The following AUTS2 variants were observed in gnomAD, a reference collection of about 807,000 sequenced individuals.
AUTS2 encodes the protein autism susceptibility gene 2 protein.
In AUTS2, 17 loss-of-function variants were observed where a neutral mutation model predicts 112.4. That is an observed-to-expected ratio of 0.15 (90% confidence interval 0.10 to 0.23). The LOEUF (loss-of-function observed/expected upper bound fraction) is 0.23. Ranked by LOEUF, AUTS2 falls within the 10% of genes least tolerant of loss-of-function variation. AUTS2 has a pLI of 1.00. For missense variants in AUTS2, 1,510 were observed against 1,701.6 expected, an observed-to-expected ratio of 0.89 and a Z score of 1.98; for synonymous variants, 751 against 702.7, an observed-to-expected ratio of 1.07 and a Z score of -1.09.
At chr7:69,850,432 A>C (rs997149075) in intron 1 of AUTS2, among the ~76,000 whole-genome samples, 23 of 135,034 alleles carry the variant, frequency 1.7e-4, no homozygotes, top group African/African-American at 6.6e-4. Context: ...AAAAAAAAAA[A>C]AAAGTCAGAC....
chr7:70,387,151 T>C (rs927510570), intron 4 of AUTS2, among the ~76,000 whole-genome samples: 1 of 152,230 alleles, frequency 6.6e-6, no homozygotes, highest in Admixed American at 6.5e-5. Flanking sequence ...TTCTCTTCAC[T>C]GCCAAACCTT....
At chr7:69,997,030 A>G (rs1018508324) in intron 2 of AUTS2, among the ~76,000 whole-genome samples, 1 of 150,392 alleles carries the variant, frequency 6.6e-6, no homozygotes, top group Non-Finnish European at 1.5e-5. Flanking sequence ...CCTGGGCATC[A>G]TTTGTTTAAG....
At chr7:69,734,645 GT>G (rs34366291) in intron 1 of AUTS2, among the ~76,000 whole-genome samples, 5 of 148,678 alleles carry the variant, frequency 3.4e-5, no homozygotes, top group Admixed American at 6.7e-5. Context: ...TGCTTGTTGG[GT>G]TTTTTTTTTC....
intron 1 of AUTS2, among the ~76,000 whole-genome samples, chr7:69,868,296 C>A (rs1793327725): frequency 6.6e-6 from 1 of 152,122 alleles, no homozygotes; most frequent in South Asian, 2.1e-4. Context: ...ATATTTAGTG[C>A]AAGCGGTAGA....
chr7:70,501,357 C>G (rs1798765598), intron 5 of AUTS2, among the ~76,000 whole-genome samples: 1 of 152,108 alleles, frequency 6.6e-6, no homozygotes, highest in Non-Finnish European at 1.5e-5. Context: ...GAAACAGGGG[C>G]ATTAACTGGA....
intron 4 of AUTS2, among the ~76,000 whole-genome samples, chr7:70,389,831 A>G (rs1215700980): frequency 1.3e-5 from 2 of 152,122 alleles, no homozygotes; most frequent in African/African-American, 4.8e-5. Flanking sequence ...TTCATTTTCT[A>G]TTTCACAGGA....
chr7:70,790,467 T>G lies in AUTS2; in HGVS notation c.3251T>G (p.Ile1084Ser), dbSNP rs768704037. Residue 1084 changes from isoleucine to serine, a missense_variant, in exon 19 of 19, where the codon ATT becomes AGT. Physicochemically the swap from Ile to Ser is moderately radical, Grantham distance 142. Coordinates refer to ENST00000342771, the MANE Select transcript of AUTS2 (RefSeq NM_015570.4). This position sits in a 1 kb window ranked among gnomAD's most constrained non-coding sequence, Gnocchi z 7.6. ...PLRDPYRELDIHRRDPLGRDF... is the reference protein window; with the variant it reads ...PLRDPYRELDSHRRDPLGRDF... ...AGGGATCCTTACCGAGAACTTGACA[T>G]TCACCGGAGAGACCCGCTGGGCAGG... is the stretch of plus-strand genomic sequence containing the variant. 11 of 1,612,166 alleles carry G rather than the reference T, an allele frequency of 6.8e-6. No individual in the cohort carries two copies. The South Asian group carries it at 1.2e-4, about 18-fold the overall frequency.
At position 70,177,821 on chromosome 7, in the gene AUTS2, G is replaced by A. The variant is rs543069239; in HGVS notation, c.660+43250G>A. On this transcript the variant is annotated intron_variant, in intron 4 of 18. Coordinates refer to ENST00000342771, the MANE Select transcript of AUTS2 (RefSeq NM_015570.4). ...AATCTGTCTGTTCTGCATTCTCATT[G>A]TTTGGACTTTTTTCAAATCATTGCT... is the stretch of plus-strand genomic sequence containing the variant. Among the ~76,000 whole-genome samples the A allele has an allele frequency of 1.9e-4, 19 of 98,164 alleles. No individual in the cohort carries two copies. In the Middle Eastern group the frequency reaches 0.019, roughly 101 times the overall value. The allele number at this position is 98,164 out of a possible 152,430, so 64.4% of individuals were successfully genotyped here.
chr7:70,736,465 TG>T (rs1787788368), intron 6 of AUTS2, among the ~76,000 whole-genome samples: 1 of 152,236 alleles, frequency 6.6e-6, no homozygotes, highest in Admixed American at 6.5e-5. Flanking sequence ...TAGATATTTT[TG>T]TTACTTGTTT....
chr7:69,691,348 C>G (rs1425292470), intron 1 of AUTS2, among the ~76,000 whole-genome samples: 1 of 152,124 alleles, frequency 6.6e-6, no homozygotes. Flanking sequence ...CGTCAACAAG[C>G]TGTCCATTGT....
chr7:70,053,544 G>GGTTTTTTTTTTTTTTTTTTTTTTTTT (rs1801848925), intron 2 of AUTS2, among the ~76,000 whole-genome samples: 1 of 127,848 alleles, frequency 7.8e-6, no homozygotes, highest in South Asian at 2.4e-4. Flanking sequence ...GTTTTGGGTG[G>GGTTTTTTTTTTTTTTTTTTTTTTTTT]TTTTTTTTTT....
chr7:70,101,661 C>T (rs570392504), intron 2 of AUTS2, among the ~76,000 whole-genome samples: 60 of 152,226 alleles, frequency 3.9e-4, no homozygotes, highest in African/African-American at 1.3e-3. Flanking sequence ...TGCTACTGCA[C>T]TCCAGCCTGG....
intron 5 of AUTS2, among the ~76,000 whole-genome samples, chr7:70,530,078 G>A (rs544201336): frequency 1.3e-4 from 20 of 152,286 alleles, no homozygotes; most frequent in Non-Finnish European, 2.8e-4. Flanking sequence ...ATGCAAGTGC[G>A]TGAATCAAGG....
At chr7:70,296,729 C>A (rs138671615) in intron 4 of AUTS2, among the ~76,000 whole-genome samples, 4 of 152,062 alleles carry the variant, frequency 2.6e-5, no homozygotes, top group African/African-American at 7.2e-5. Flanking sequence ...ATTAATAAAT[C>A]ATTGTGTACA....
chr7:69,906,628 G>A (rs530810201), intron 2 of AUTS2, among the ~76,000 whole-genome samples: 1 of 152,284 alleles, frequency 6.6e-6, no homozygotes, highest in East Asian at 1.9e-4. Context: ...ATTGTGGGTG[G>A]GCTTTAAGAC....
chr7:69,973,304 G>C (rs1797931520), intron 2 of AUTS2, among the ~76,000 whole-genome samples: 1 of 152,162 alleles, frequency 6.6e-6, no homozygotes, highest in Admixed American at 6.5e-5. Context: ...GATAAATGGA[G>C]TTATTAGTTT....
chr7:69,847,006 T>A (rs1390229312), intron 1 of AUTS2, among the ~76,000 whole-genome samples: 1 of 152,192 alleles, frequency 6.6e-6, no homozygotes, highest in African/African-American at 2.4e-5. Flanking sequence ...ATCTAGGCAA[T>A]CTAGTAGCAC....
intron 1 of AUTS2, among the ~76,000 whole-genome samples, chr7:69,795,684 T>C (rs1292972835): frequency 6.6e-6 from 1 of 152,218 alleles, no homozygotes; most frequent in East Asian, 1.9e-4. Context: ...GTTCTATAGA[T>C]AGATTCCTCT....
At position 70,606,472 on chromosome 7, in the gene AUTS2, G is replaced by A. The variant is rs75126817; in HGVS notation, c.691-92097G>A. 9.1e-3 allele frequency among the ~76,000 whole-genome samples: 1,392 copies of A among 152,252 alleles called. 21 individuals carry two copies. Among genetic ancestry groups the A allele is most frequent in the African/African-American group, 0.032 (1,329 of 41,524 alleles). On this transcript the variant is annotated intron_variant, in intron 5 of 18. Transcript: ENST00000342771. ...GTGCAGGCACTTTGTTAGCAGCCGG[G>A]GATACAGTGGTGAAAAAAGTAGACA... is the stretch of plus-strand genomic sequence containing the variant.
Sources: allele counts gnomAD v4.1 joint callset (sites outside exome capture counted in the v4.1 genomes callset), GRCh38; gene constraint gnomAD v4.1.1; non-coding constraint Gnocchi (gnomAD v3.1); transcripts MANE v1.5; gene names NCBI Gene and HGNC (gene_info 2026-07-23, HGNC 2026-07-21).